Variants in RALYL observed in about 807,000 individuals in gnomAD.
RALYL encodes RNA-binding Raly-like protein.
In RALYL, 29 loss-of-function variants were observed where a neutral mutation model predicts 35.1. That is an observed-to-expected ratio of 0.83 (90% CI 0.61 to 1.13). RALYL has a LOEUF of 1.13. Ranked by LOEUF, RALYL falls within the 50% of genes most tolerant of loss-of-function variation. RALYL has a pLI of 0.00. For missense variants in RALYL, 359 were observed against 360.4 expected (o/e 1.00, Z 0.03); for synonymous variants, 120 against 127.6 (o/e 0.94, Z 0.40).
intron 1 of RALYL, among the ~76,000 whole-genome samples, chr8:84,512,375 C>T (rs1269793578): frequency 1.3e-5 from 2 of 151,858 alleles, no homozygotes; most frequent in Admixed American, 6.6e-5. Flanking sequence ...CTATTCAGAT[C>T]CTTTCCCTTT....
intron 2 of RALYL, among the ~76,000 whole-genome samples, chr8:84,609,614 C>A (rs1588485804): frequency 6.6e-6 from 1 of 152,242 alleles, no homozygotes; most frequent in South Asian, 2.1e-4. Context: ...TTTTTTGAAA[C>A]AATTTCAGTT....
intron 1 of RALYL, among the ~76,000 whole-genome samples, chr8:84,303,942 A>G (rs1841296274): frequency 6.6e-6 from 1 of 152,068 alleles, no homozygotes; most frequent in Admixed American, 6.6e-5. Flanking sequence ...ACTAATGGGA[A>G]CTTTCTCTTT....
At chr8:84,895,643 G>T (rs972388940) in intron 8 of RALYL, among the ~76,000 whole-genome samples, 4 of 152,094 alleles carry the variant, frequency 2.6e-5, no homozygotes, top group African/African-American at 9.7e-5. Flanking sequence ...CTCCCGAGTA[G>T]CTGGGATTAC....
intron 1 of RALYL, among the ~76,000 whole-genome samples, chr8:84,361,228 A>T (rs2131264092): frequency 6.6e-6 from 1 of 152,300 alleles, no homozygotes; most frequent in African/African-American, 2.4e-5. Context: ...TTCACATGTG[A>T]TAAGCTCTAG....
At chr8:84,831,940 A>G (rs1214248228) in intron 4 of RALYL, among the ~76,000 whole-genome samples, 1 of 152,172 alleles carries the variant, frequency 6.6e-6, no homozygotes, top group African/African-American at 2.4e-5. Flanking sequence ...AAGACAATAG[A>G]GGACATGTAT....
intron 2 of RALYL, among the ~76,000 whole-genome samples, chr8:84,600,512 A>G (rs1459543259): frequency 6.6e-6 from 1 of 152,050 alleles, no homozygotes; most frequent in Non-Finnish European, 1.5e-5. Context: ...GCACTTTAAA[A>G]AGTTAATAGG....
At chr8:84,362,458 C>T (rs542567634) in intron 1 of RALYL, among the ~76,000 whole-genome samples, 7 of 152,222 alleles carry the variant, frequency 4.6e-5, no homozygotes, top group Admixed American at 2.6e-4. Flanking sequence ...ATATCAGTTC[C>T]TGGCCTGTTA....
chr8:84,249,077 A>T (rs566193210), intron 1 of RALYL, among the ~76,000 whole-genome samples: 24 of 152,210 alleles, frequency 1.6e-4, no homozygotes, highest in South Asian at 6.2e-4. Context: ...ATATTATTTT[A>T]AAAAGAACTG....
intron 1 of RALYL, among the ~76,000 whole-genome samples, chr8:84,223,175 CT>C (rs1822853155): frequency 1.0e-4 from 9 of 88,592 alleles, no homozygotes; most frequent in Admixed American, 2.4e-4. Flanking sequence ...CCTCCCTTCC[CT>C]TCCCTTCCCT....
intron 2 of RALYL, among the ~76,000 whole-genome samples, chr8:84,642,766 G>C (rs1223290785): frequency 6.6e-6 from 1 of 152,020 alleles, no homozygotes; most frequent in African/African-American, 2.4e-5. Flanking sequence ...AGAGAAGAAA[G>C]GAGGTCAGGT....
intron 2 of RALYL, among the ~76,000 whole-genome samples, chr8:84,589,502 T>C (rs1304855823): frequency 6.6e-6 from 1 of 152,236 alleles, no homozygotes; most frequent in African/African-American, 2.4e-5. Flanking sequence ...GTAGCATATA[T>C]TTCATATGTA....
chr8:84,728,988 G>A (rs1485440095), intron 2 of RALYL, among the ~76,000 whole-genome samples: 1 of 152,136 alleles, frequency 6.6e-6, no homozygotes, highest in East Asian at 1.9e-4. Flanking sequence ...GAACTTGAAA[G>A]TAGTTTTTTC....
chr8:84,551,779 T>C (rs979057495), intron 2 of RALYL, among the ~76,000 whole-genome samples: 1 of 152,188 alleles, frequency 6.6e-6, no homozygotes, highest in Non-Finnish European at 1.5e-5. Context: ...CCTAGGCTGG[T>C]GCATGGTGCT....
intron 4 of RALYL, 26 bp downstream of exon 4, chr8:84,804,828 G>C: frequency 9.8e-7 from 1 of 1,017,992 alleles, no homozygotes; most frequent in Non-Finnish European, 1.3e-6. Flanking sequence ...AATACTTTAA[G>C]TATTAATTAT....
At chr8:84,817,433 C>T (rs1364376071) in intron 4 of RALYL, among the ~76,000 whole-genome samples, 5 of 151,870 alleles carry the variant, frequency 3.3e-5, no homozygotes, top group African/African-American at 7.2e-5. Context: ...GATTTCCTTC[C>T]TCTGAATCCT....
chr8:84,398,490 TA>T (rs927298815), intron 1 of RALYL, among the ~76,000 whole-genome samples: 1 of 152,176 alleles, frequency 6.6e-6, no homozygotes, highest in Non-Finnish European at 1.5e-5. Flanking sequence ...TTCATTTTTA[TA>T]AAACTCAACG....
chr8:84,833,990 A>G (rs888507078), intron 4 of RALYL, among the ~76,000 whole-genome samples: 1 of 152,012 alleles, frequency 6.6e-6, no homozygotes, highest in Non-Finnish European at 1.5e-5. Flanking sequence ...CATTTTTAAA[A>G]GCTAGTCTCC....
intron 1 of RALYL, among the ~76,000 whole-genome samples, chr8:84,337,219 A>G (rs188486785): frequency 7.2e-5 from 11 of 152,058 alleles, no homozygotes; most frequent in Admixed American, 2.0e-4. Context: ...CAGTATTGTT[A>G]GAAAATTAAA....
At chr8:84,755,487 A>G (rs530608700) in intron 2 of RALYL, among the ~76,000 whole-genome samples, 1 of 152,314 alleles carries the variant, frequency 6.6e-6, no homozygotes, top group South Asian at 2.1e-4. Context: ...CTCTATAACC[A>G]TAAATAAACT....
Sources: allele counts gnomAD v4.1 joint callset (sites outside exome capture counted in the v4.1 genomes callset), GRCh38; gene constraint gnomAD v4.1.1; transcripts MANE v1.5; gene names NCBI Gene and HGNC (gene_info 2026-07-23, HGNC 2026-07-21).